The following EXOC4 variants were observed in gnomAD, a reference collection of about 807,000 sequenced individuals.
EXOC4 encodes exocyst complex component 4.
A neutral mutation model predicts 107.2 loss-of-function variants in EXOC4; 71 were observed. That is an observed-to-expected ratio of 0.66 (90% CI 0.55 to 0.81). EXOC4 has a LOEUF of 0.81. Ranked by LOEUF, EXOC4 falls within the 30% of genes least tolerant of loss-of-function variation. The probability of loss-of-function intolerance (pLI) is 0.00; values close to 1 mark genes in which losing one functional copy is unlikely to be tolerated. For missense variants in EXOC4, 1,108 were observed against 1,189.6 expected (o/e 0.93, Z 1.01); for synonymous variants, 456 against 441.2 (o/e 1.03, Z -0.42).
chr7:133,822,661 G>A (rs927154655), intron 11 of EXOC4, among the ~76,000 whole-genome samples: 4 of 152,176 alleles, frequency 2.6e-5, no homozygotes, highest in African/African-American at 9.7e-5. Flanking sequence ...TGTGGCCCAT[G>A]GACCGGGAGC....
chr7:133,878,442 G>T lies in EXOC4; in HGVS notation c.1735-17157G>T, dbSNP rs560682149. Among the ~76,000 whole-genome samples the T allele has an allele frequency of 1.3e-3, 200 of 152,254 alleles. 1 individual carries two copies. Among genetic ancestry groups the T allele is most frequent in the Non-Finnish European group, 2.5e-3 (172 of 68,016 alleles). Reference sequence around the variant, plus strand: ...CTCTATTTCCTGTTACTAGAAGTTAGGTCTGAAAGCTTGATTAGATTGAAG... The same window carrying T: ...CTCTATTTCCTGTTACTAGAAGTTATGTCTGAAAGCTTGATTAGATTGAAG... On this transcript the variant is annotated intron_variant, in intron 11 of 17. Transcript: ENST00000253861.
intron 10 of EXOC4, among the ~76,000 whole-genome samples, chr7:133,788,421 T>G (rs544402038): frequency 6.6e-6 from 1 of 152,054 alleles, no homozygotes; most frequent in East Asian, 1.9e-4. Flanking sequence ...CCTCCTATTG[T>G]CTTGGTCATC....
chr7:133,994,893 G>A (rs1206070391), intron 14 of EXOC4, among the ~76,000 whole-genome samples: 1 of 152,014 alleles, frequency 6.6e-6, no homozygotes, highest in Non-Finnish European at 1.5e-5. Context: ...AATTGCTTTT[G>A]TGGTGTCTTA....
At chr7:133,317,249 A>G in intron 4 of EXOC4, 35 bp from the exon 5 acceptor site, 1 of 1,502,032 alleles carries the variant, frequency 6.7e-7, no homozygotes, top group African/African-American at 1.4e-5. Context: ...TTGGTTTTGA[A>G]GAAAGTGGTA....
chr7:133,810,359 C>G (rs1208644604), intron 10 of EXOC4, among the ~76,000 whole-genome samples: 1 of 151,898 alleles, frequency 6.6e-6, no homozygotes, highest in Admixed American at 6.6e-5. Flanking sequence ...TTATAATTTC[C>G]CTTGATAGCA....
chr7:133,791,500 C>A (rs1010746868), intron 10 of EXOC4, among the ~76,000 whole-genome samples: 1 of 152,112 alleles, frequency 6.6e-6, no homozygotes, highest in Non-Finnish European at 1.5e-5. Context: ...GGAAGAAGAA[C>A]TATTCAGAAG....
At chr7:133,287,433 C>T (rs554237086) in intron 2 of EXOC4, among the ~76,000 whole-genome samples, 19 of 152,224 alleles carry the variant, frequency 1.2e-4, no homozygotes, top group Admixed American at 8.5e-4. Context: ...GCTTCAGCCT[C>T]CCAAGTAGCT....
intron 9 of EXOC4, among the ~76,000 whole-genome samples, chr7:133,621,436 T>C (rs1050222284): frequency 6.6e-6 from 1 of 152,348 alleles, no homozygotes; most frequent in African/African-American, 2.4e-5. Flanking sequence ...GCCAAAAATC[T>C]AGGAGAGAGT....
At chr7:134,027,489 C>T (rs567035694) in intron 17 of EXOC4, among the ~76,000 whole-genome samples, 1 of 152,076 alleles carries the variant, frequency 6.6e-6, no homozygotes, top group South Asian at 2.1e-4. Context: ...GGAACCCTGT[C>T]TCTACTGAAA....
At chr7:133,913,481 A>G (rs1057213169) in intron 12 of EXOC4, among the ~76,000 whole-genome samples, 1 of 152,200 alleles carries the variant, frequency 6.6e-6, no homozygotes, top group Non-Finnish European at 1.5e-5. Flanking sequence ...AATATAGGTT[A>G]ATAGCAGTGA....
chr7:133,322,070 GT>G (rs1367753804), intron 5 of EXOC4, among the ~76,000 whole-genome samples: 3 of 152,088 alleles, frequency 2.0e-5, no homozygotes, highest in Admixed American at 6.5e-5. Context: ...GGGGTTGTTT[GT>G]TTTTTTCTTG....
intron 17 of EXOC4, among the ~76,000 whole-genome samples, chr7:134,033,046 A>C (rs1229559890): frequency 6.6e-6 from 1 of 152,204 alleles, no homozygotes; most frequent in Non-Finnish European, 1.5e-5. Flanking sequence ...CCAATAAATA[A>C]ATGACAGCAA....
chr7:133,895,796 G>A, intron 12 of EXOC4, 61 bp downstream of exon 12: 3 of 1,557,182 alleles, frequency 1.9e-6, no homozygotes, highest in Non-Finnish European at 2.6e-6. Flanking sequence ...GTTCCAATTG[G>A]TGAAATTGCT....
intron 14 of EXOC4, among the ~76,000 whole-genome samples, chr7:133,949,932 G>A (rs1412609528): frequency 6.6e-6 from 1 of 152,058 alleles, no homozygotes; most frequent in African/African-American, 2.4e-5. Context: ...GGCAATGTCT[G>A]TATTAACTAG....
intron 10 of EXOC4, among the ~76,000 whole-genome samples, chr7:133,804,524 G>A (rs188151054): frequency 3.3e-5 from 5 of 152,248 alleles, no homozygotes; most frequent in Non-Finnish European, 5.9e-5. Flanking sequence ...GTTTTCCAAA[G>A]TATTCATATA....
intron 7 of EXOC4, among the ~76,000 whole-genome samples, chr7:133,393,776 T>C (rs1796909281): frequency 1.3e-5 from 2 of 152,366 alleles, no homozygotes; most frequent in African/African-American, 4.8e-5. Flanking sequence ...TCTGGAAATG[T>C]GAGGAATACA....
chr7:133,337,459 G>A (rs1412026210), intron 5 of EXOC4, among the ~76,000 whole-genome samples: 4 of 151,902 alleles, frequency 2.6e-5, no homozygotes, highest in Admixed American at 6.5e-5. Context: ...GTCTTTTTAA[G>A]CATTTTTGTC....
At chr7:133,581,458 GCTATAAAGAATGA>G (rs1010457184) in intron 9 of EXOC4, among the ~76,000 whole-genome samples, 4 of 152,132 alleles carry the variant, frequency 2.6e-5, no homozygotes, top group Non-Finnish European at 5.9e-5. Flanking sequence ...TTTTCACAGT[GCTATAAAGAATGA>G]CCTGAGGCCG....
At chr7:133,715,743 C>G (rs189329258) in intron 10 of EXOC4, among the ~76,000 whole-genome samples, 100 of 152,138 alleles carry the variant, frequency 6.6e-4, no homozygotes, top group African/African-American at 2.3e-3. Flanking sequence ...TTTCTTTTCA[C>G]TGTTAGAGGC....
Sources: allele counts gnomAD v4.1 joint callset (sites outside exome capture counted in the v4.1 genomes callset), GRCh38; gene constraint gnomAD v4.1.1; transcripts MANE v1.5; gene names NCBI Gene and HGNC (gene_info 2026-07-23, HGNC 2026-07-21).